Variants in NUAK1 observed in about 807,000 individuals in gnomAD.
NUAK1 encodes the protein NUAK family SNF1-like kinase 1.
Under a neutral mutation model 56.9 loss-of-function variants are expected in NUAK1, and 26 were observed. The observed-to-expected ratio is 0.46, with a 90% confidence interval of 0.33 to 0.63. The LOEUF is 0.63. Among genes scored for constraint, NUAK1 ranks in the 30% least tolerant of loss-of-function variants. The probability of loss-of-function intolerance (pLI) is 0.02; values close to 1 mark genes in which losing one functional copy is unlikely to be tolerated. For synonymous variants in NUAK1, 337 were observed against 336.0 expected, an observed-to-expected ratio of 1.00 and a Z score of -0.03; for missense variants, 727 against 876.1, an observed-to-expected ratio of 0.83 and a Z score of 2.15.
chr12:106,123,129 G>A (rs1565927856), intron 1 of NUAK1, among the ~76,000 whole-genome samples: 1 of 152,230 alleles, frequency 6.6e-6, no homozygotes, highest in Non-Finnish European at 1.5e-5. Flanking sequence ...GTTACTGGGT[G>A]CTTAGTGCAT....
intron 1 of NUAK1, among the ~76,000 whole-genome samples, chr12:106,112,631 C>A (rs1230025985): frequency 1.3e-5 from 2 of 152,204 alleles, no homozygotes; most frequent in African/African-American, 4.8e-5. Flanking sequence ...ATGCAACGGG[C>A]CCCATGGGAA....
chr12:106,086,709 A>C (rs925366274), intron 3 of NUAK1, 25 bp downstream of exon 3: 4 of 1,588,930 alleles, frequency 2.5e-6, no homozygotes, highest in Non-Finnish European at 3.4e-6. Context: ...CTACGGCCAA[A>C]GCTGCGGGCC....
In NUAK1 at chr12:106,067,298, A is replaced by T. The variant is rs1340117815; in HGVS notation, c.1490T>A (p.Met497Lys). The T allele has an allele frequency of 6.2e-7, 1 of 1,614,130 alleles. No individual in the cohort carries two copies. The highest frequency in any genetic ancestry group is 1.1e-5 in the South Asian group (1 of 91,080). ...SSELLDSNDV[M>K]GSSIPSPSPP... The stretch of plus-strand genomic sequence containing the variant: ...GCTGGGGGAGGGGATGCTGCTGCCC[A>T]TCACATCATTACTGTCCAACAGCTC... Residue 497 changes from methionine (M) to lysine (K), a missense_variant, in exon 7 of 7, where the codon ATG becomes AAG. Coordinates refer to ENST00000261402, the MANE Select transcript of NUAK1 (RefSeq NM_014840.3). The surrounding 1 kb of genome is among the most constrained non-coding windows in gnomAD (Gnocchi z 6.0).
chr12:106,081,970 C>T (rs2032521990), intron 4 of NUAK1, among the ~76,000 whole-genome samples: 1 of 152,130 alleles, frequency 6.6e-6, no homozygotes, highest in African/African-American at 2.4e-5. Flanking sequence ...ATGGCCTGAC[C>T]ACCACTCCCC....
rs2032341644 is a variant in NUAK1 at position 106,066,627 on chromosome 12, G to A, written c.*175C>T. ...GACAATTGACAGAACTGGCAGAAGA[G>A]CCCACCTCTCCCTTTTAGGTGTTGG... On this transcript the variant is annotated 3_prime_UTR_variant, in exon 7 of 7. Transcript: ENST00000261402. 1.5e-6 allele frequency: 1 copy of A among 653,088 alleles called. No individual in the cohort carries two copies. Among genetic ancestry groups the A allele is most frequent in the Non-Finnish European group, 2.7e-6 (1 of 371,714 alleles). The allele number at this position is 653,088 out of a possible 1,614,324, so 40.5% of individuals were successfully genotyped here. A position where few individuals can be genotyped will look rare whatever the true frequency, so the allele number is the denominator to read the frequency against.
At chr12:106,071,184 T>C (rs999660210) in intron 5 of NUAK1, among the ~76,000 whole-genome samples, 2 of 152,200 alleles carry the variant, frequency 1.3e-5, no homozygotes, top group Non-Finnish European at 2.9e-5. Context: ...CTCACTACAA[T>C]TTTGTGAAGC....
At chr12:106,093,964 A>G (rs1286172536) in intron 2 of NUAK1, among the ~76,000 whole-genome samples, 1 of 147,600 alleles carries the variant, frequency 6.8e-6, no homozygotes, top group Non-Finnish European at 1.5e-5. Flanking sequence ...ACTCCTGGCT[A>G]ATCTTTGTAA....
intron 2 of NUAK1, among the ~76,000 whole-genome samples, chr12:106,093,334 T>C (rs923885664): frequency 1.3e-5 from 2 of 152,232 alleles, no homozygotes. Context: ...ATTATTTTTC[T>C]TGTTTGCTGT....
chr12:106,084,390 G>T (rs1473738358), intron 3 of NUAK1, among the ~76,000 whole-genome samples: 1 of 152,164 alleles, frequency 6.6e-6, no homozygotes, highest in South Asian at 2.1e-4. Context: ...CCTACTCAAC[G>T]CTGGAAAGAC....
chr12:106,083,739 C>A, intron 4 of NUAK1, 125 bp downstream of exon 4: 1 of 764,938 alleles, frequency 1.3e-6, no homozygotes, highest in Admixed American at 2.1e-5. Context: ...AGAGACTCTT[C>A]CCCACCAGCC....
chr12:106,091,023 C>T (rs1592852772), intron 2 of NUAK1, among the ~76,000 whole-genome samples: 2 of 152,152 alleles, frequency 1.3e-5, no homozygotes, highest in African/African-American at 4.8e-5. Flanking sequence ...CTCCTTTGCC[C>T]GTGCTTAAGG....
chr12:106,115,790 C>T (rs960305636), intron 1 of NUAK1, among the ~76,000 whole-genome samples: 1 of 152,174 alleles, frequency 6.6e-6, no homozygotes, highest in Non-Finnish European at 1.5e-5. Context: ...GGATGAGCCT[C>T]GCCCAGTACT....
chr12:106,077,847 GATA>G (rs1279750942), intron 4 of NUAK1, among the ~76,000 whole-genome samples: 3 of 152,212 alleles, frequency 2.0e-5, no homozygotes, highest in African/African-American at 4.8e-5. Flanking sequence ...TGGGGTTGAT[GATA>G]ATAATGTCAC....
Position 106,138,659 on chromosome 12 carries a change from A to T in NUAK1, c.-6T>A. On this transcript the variant is annotated 5_prime_UTR_variant, in exon 1 of 7. It adds an upstream start codon to the 5' untranslated region. Coordinates refer to ENST00000261402, the MANE Select transcript of NUAK1 (RefSeq NM_014840.3). The surrounding 1 kb of genome is among the most constrained non-coding windows in gnomAD (Gnocchi z 5.0). ...GGCGCGGCGGCCCCTTCCATGTCCA[A>T]GCGCGGGGCGAGCCGGGCTACAGAG... 6.6e-7 allele frequency: 1 copy of T among 1,517,732 alleles called. No individual in the cohort carries two copies. Among genetic ancestry groups the T allele is most frequent in the Non-Finnish European group, 8.8e-7 (1 of 1,142,828 alleles). The allele number at this position is 1,517,732 out of a possible 1,614,324, so 94.0% of individuals were successfully genotyped here.
chr12:106,122,543 T>A (rs146936224), intron 1 of NUAK1, among the ~76,000 whole-genome samples: 3 of 152,306 alleles, frequency 2.0e-5, no homozygotes, highest in East Asian at 3.9e-4. Flanking sequence ...TATTACTCCA[T>A]GATTGGATAA....
At chr12:106,085,045 C>A (rs1017017073) in intron 3 of NUAK1, among the ~76,000 whole-genome samples, 6 of 152,308 alleles carry the variant, frequency 3.9e-5, no homozygotes, top group African/African-American at 1.2e-4. Context: ...TTCAAGCCTG[C>A]AATGAGGTCT....
At chr12:106,124,078 C>T (rs878928970) in intron 1 of NUAK1, among the ~76,000 whole-genome samples, 1 of 151,996 alleles carries the variant, frequency 6.6e-6, no homozygotes, top group African/African-American at 2.4e-5. Flanking sequence ...TTTTAAGAAG[C>T]AAGTGCTTTT....
chr12:106,136,034 G>C (rs78287103), intron 1 of NUAK1, among the ~76,000 whole-genome samples: 2,284 of 152,276 alleles, frequency 0.015, 55 homozygotes, highest in African/African-American at 0.052. Flanking sequence ...AGCAGGGGGA[G>C]GACGGGGGGC....
At chr12:106,113,543 C>T (rs1323512557) in intron 1 of NUAK1, among the ~76,000 whole-genome samples, 1 of 151,822 alleles carries the variant, frequency 6.6e-6, no homozygotes, top group Admixed American at 6.6e-5. Context: ...GACCTGGTAT[C>T]AGCATTCTTT....
Sources: allele counts gnomAD v4.1 joint callset (sites outside exome capture counted in the v4.1 genomes callset), GRCh38; gene constraint gnomAD v4.1.1; non-coding constraint Gnocchi (gnomAD v3.1); transcripts MANE v1.5; gene names NCBI Gene and HGNC (gene_info 2026-07-23, HGNC 2026-07-21).